The following ARL15 variants were observed in gnomAD, a reference collection of about 807,000 sequenced individuals.
ARL15 encodes the protein ADP-ribosylation factor-like protein 15.
A neutral mutation model predicts 25.2 loss-of-function variants in ARL15; 19 were observed. The observed-to-expected ratio is 0.75, with a 90% CI of 0.53 to 1.10. The LOEUF is 1.10. ARL15 is among the 50% of genes least tolerant of loss of function. The probability of loss-of-function intolerance (pLI) is 0.00; values close to 1 mark genes in which losing one functional copy is unlikely to be tolerated. For missense variants in ARL15, 220 were observed against 246.0 expected (o/e 0.89, Z 0.71); for synonymous variants, 94 against 86.8 (o/e 1.08, Z -0.46).
intron 3 of ARL15, 101 bp from the exon 4 acceptor site, chr5:54,113,511 A>C: frequency 9.2e-7 from 1 of 1,085,480 alleles, no homozygotes; most frequent in Non-Finnish European, 1.3e-6. Context: ...ACCTTTTAAA[A>C]ATTAAGTGCT....
At chr5:54,280,397 G>C (rs891427013) in intron 1 of ARL15, among the ~76,000 whole-genome samples, 19 of 152,338 alleles carry the variant, frequency 1.2e-4, no homozygotes, top group African/African-American at 4.1e-4. Context: ...ACTCATCTGA[G>C]ACAGCTAAAG....
At chr5:53,888,261 TTTTA>T (rs1381418370) in intron 4 of ARL15, among the ~76,000 whole-genome samples, 5 of 150,444 alleles carry the variant, frequency 3.3e-5, no homozygotes, top group South Asian at 2.1e-4. Context: ...TCTTTTTTTG[TTTTA>T]TTTATTTATT....
At chr5:54,193,623 C>A (rs1755466227) in intron 1 of ARL15, among the ~76,000 whole-genome samples, 2 of 152,094 alleles carry the variant, frequency 1.3e-5, no homozygotes, top group South Asian at 4.1e-4. Context: ...CCCTCCACCC[C>A]AGTCGATAGA....
At chr5:54,071,744 G>A (rs1751429294) in intron 4 of ARL15, among the ~76,000 whole-genome samples, 1 of 151,948 alleles carries the variant, frequency 6.6e-6, no homozygotes, top group Non-Finnish European at 1.5e-5. Flanking sequence ...GGCTGAGGTG[G>A]GCAGATTACG....
At chr5:54,054,961 T>A (rs1163831396) in intron 4 of ARL15, among the ~76,000 whole-genome samples, 3 of 152,166 alleles carry the variant, frequency 2.0e-5, no homozygotes, top group Non-Finnish European at 2.9e-5. Flanking sequence ...GGACACCCAC[T>A]TAGCTTTTAT....
At chr5:54,256,839 A>G (rs1393414762) in intron 1 of ARL15, among the ~76,000 whole-genome samples, 2 of 151,890 alleles carry the variant, frequency 1.3e-5, no homozygotes, top group African/African-American at 2.4e-5. Context: ...GTAAAAAAAC[A>G]TGATCATCTC....
intron 4 of ARL15, among the ~76,000 whole-genome samples, chr5:53,987,418 G>T (rs918927670): frequency 6.6e-6 from 1 of 150,924 alleles, no homozygotes; most frequent in African/African-American, 2.4e-5. Flanking sequence ...ACATGCATGC[G>T]CACAGGCCCA....
rs577270459 is a variant in ARL15 at position 54,138,639 on chromosome 5, G to A, written c.253+15941C>T. Among the ~76,000 whole-genome samples, 3 of 152,008 alleles carry A rather than the reference G, an allele frequency of 2.0e-5. No homozygotes were observed. The East Asian group carries it at 5.8e-4, about 29-fold the overall frequency. On this transcript the variant is annotated intron_variant, in intron 3 of 4. Coordinates refer to ENST00000504924, the MANE Select transcript of ARL15 (RefSeq NM_019087.3). ...AGGATTTATGACTAAGACCCCAAAAGCAAATGCAACAAAAACAAAAATAAA... is the reference window on the plus strand; with the variant it reads ...AGGATTTATGACTAAGACCCCAAAAACAAATGCAACAAAAACAAAAATAAA...
intron 4 of ARL15, among the ~76,000 whole-genome samples, chr5:53,926,975 C>T (rs1746051493): frequency 6.6e-6 from 1 of 151,520 alleles, no homozygotes; most frequent in Non-Finnish European, 1.5e-5. Flanking sequence ...AGTCCAAAAG[C>T]CTCTCTAGCC....
chr5:54,293,270 G>A (rs1758378534), intron 1 of ARL15, among the ~76,000 whole-genome samples: 1 of 152,174 alleles, frequency 6.6e-6, no homozygotes, highest in Non-Finnish European at 1.5e-5. Flanking sequence ...TATTTGATAA[G>A]CCTTCAGTTC....
chr5:54,204,402 G>A (rs953206253), intron 1 of ARL15, among the ~76,000 whole-genome samples: 14 of 152,166 alleles, frequency 9.2e-5, no homozygotes, highest in Non-Finnish European at 1.3e-4. Flanking sequence ...CCCTCTGCAC[G>A]TTTCTGCTGA....
At chr5:53,956,435 C>G (rs1380649032) in intron 4 of ARL15, among the ~76,000 whole-genome samples, 2 of 149,056 alleles carry the variant, frequency 1.3e-5, no homozygotes, top group Admixed American at 6.6e-5. Flanking sequence ...GGTCCATTCA[C>G]AAAAGACCAT....
intron 4 of ARL15, among the ~76,000 whole-genome samples, chr5:53,893,271 A>AT (rs1744776639): frequency 6.6e-6 from 1 of 152,104 alleles, no homozygotes; most frequent in Non-Finnish European, 1.5e-5. Flanking sequence ...ACACCACAGA[A>AT]ACCTGCGAGT....
rs79426966 is a variant in ARL15 at position 54,046,852 on chromosome 5, A to G, written c.462+66350T>C. 8.4e-3 allele frequency among the ~76,000 whole-genome samples: 1,278 copies of G among 152,308 alleles called. 16 individuals are homozygous for G. The highest frequency in any genetic ancestry group is 0.028 in the African/African-American group (1,175 of 41,572). ...CAGATTGGGGCAACAGAGTTTGGTC[A>G]GGAAGGGAGTGGATGGTTAGCATGG... is the stretch of plus-strand genomic sequence containing the variant. On this transcript the variant is annotated intron_variant, in intron 4 of 4. Coordinates refer to ENST00000504924, the MANE Select transcript of ARL15 (RefSeq NM_019087.3).
At chr5:53,890,439 C>T (rs944392977) in intron 4 of ARL15, among the ~76,000 whole-genome samples, 2 of 152,204 alleles carry the variant, frequency 1.3e-5, no homozygotes, top group South Asian at 2.1e-4. Flanking sequence ...AGAACATGAA[C>T]CTAAATCTTT....
intron 1 of ARL15, among the ~76,000 whole-genome samples, chr5:54,274,221 T>C (rs1561291531): frequency 6.6e-6 from 1 of 152,088 alleles, no homozygotes; most frequent in African/African-American, 2.4e-5. Context: ...CGGCTGACGC[T>C]GGGTCAGACT....
chr5:54,191,716 A>G lies in ARL15; in HGVS notation c.49-19788T>C, dbSNP rs948311212. Among the ~76,000 whole-genome samples, 38 of 151,980 alleles carry G rather than the reference A, an allele frequency of 2.5e-4. 1 individual carries two copies. Among genetic ancestry groups the G allele is most frequent in the African/African-American group, 2.2e-4 (9 of 41,380 alleles). On this transcript the variant is annotated intron_variant, in intron 1 of 4. Transcript: ENST00000504924. ...TATATACAGACTCCAACTACTTCTC[A>G]CCACCTCTACCCTTACCACCCCAAT...
intron 4 of ARL15, among the ~76,000 whole-genome samples, chr5:54,073,189 C>T (rs1751480372): frequency 6.6e-6 from 1 of 152,136 alleles, no homozygotes; most frequent in Non-Finnish European, 1.5e-5. Context: ...AAATTATGCA[C>T]ATCTGGATTA....
chr5:54,125,822 G>T (rs187281510), intron 3 of ARL15, among the ~76,000 whole-genome samples: 252 of 152,244 alleles, frequency 1.7e-3, no homozygotes, highest in Non-Finnish European at 2.4e-3. Flanking sequence ...AAATAAATTT[G>T]CAGCTAGGTA....
Sources: gnomAD v4.1 joint callset for allele counts (sites outside exome capture counted in the v4.1 genomes callset) on GRCh38, gnomAD v4.1.1 for gene constraint, MANE v1.5 for transcripts, NCBI Gene and HGNC (gene_info 2026-07-23, HGNC 2026-07-21) for gene names.